The following TESC variants were observed in gnomAD, a reference collection of about 807,000 sequenced individuals.
The protein encoded by TESC is calcineurin B homologous protein 3.
TESC carries 19 observed loss-of-function variants against 31.0 expected under a neutral mutation model. The ratio of observed to expected loss-of-function variants is 0.61; its 90% confidence interval spans 0.43 to 0.90. The LOEUF (loss-of-function observed/expected upper bound fraction) is 0.90, where lower values mean the gene tolerates loss of function less well. Ranked by LOEUF, TESC falls within the 40% of genes least tolerant of loss-of-function variation. TESC has a pLI of 0.00. For synonymous variants in TESC, 109 were observed against 114.8 expected, an observed-to-expected ratio of 0.95 and a Z score of 0.32; for missense variants, 248 against 303.8, an observed-to-expected ratio of 0.82 and a Z score of 1.36.
intron 7 of TESC, 52 bp from the exon 8 acceptor site, chr12:117,039,262 CT>C (rs752050508): frequency 7.1e-6 from 11 of 1,551,060 alleles, no homozygotes; most frequent in Non-Finnish European, 9.7e-6. Flanking sequence ...CACCTCACAC[CT>C]GACCAGGCCC....
chr12:117,047,201 G>A (rs116850479), intron 4 of TESC, among the ~76,000 whole-genome samples: 1,995 of 152,288 alleles, frequency 0.013, 27 homozygotes, highest in South Asian at 0.038. Flanking sequence ...AAACGGTGTC[G>A]AGTTCAAAAT....
At chr12:117,069,138 G>T (rs1346945330) in intron 2 of TESC, among the ~76,000 whole-genome samples, 1 of 151,844 alleles carries the variant, frequency 6.6e-6, no homozygotes. Context: ...TTTGCCGAGA[G>T]GCCACAGAAA....
rs554400635 is a variant in TESC at position 117,040,988 on chromosome 12, G to C, written c.567+959C>G. On this transcript the variant is annotated intron_variant, in intron 7 of 7. Coordinates refer to ENST00000335209, the MANE Select transcript of TESC (RefSeq NM_017899.4). ...TCCTCAAGTACCCCAAAAGCACTTG[G>C]GAACACTGTTGTGATGCCCAGGGCC... Among the ~76,000 whole-genome samples, 5 of 150,648 alleles carry C rather than the reference G, an allele frequency of 3.3e-5. No homozygotes were observed. In the South Asian group the frequency reaches 1.1e-3, roughly 32 times the overall value.
chr12:117,051,578 T>C (rs1004974881), intron 3 of TESC, among the ~76,000 whole-genome samples: 1 of 152,200 alleles, frequency 6.6e-6, no homozygotes, highest in Non-Finnish European at 1.5e-5. Context: ...AGCATAAAAA[T>C]AGCCCCCGGA....
chr12:117,072,954 AT>A (rs1954993342), intron 2 of TESC, among the ~76,000 whole-genome samples: 1 of 152,020 alleles, frequency 6.6e-6, no homozygotes, highest in Admixed American at 6.6e-5. Flanking sequence ...ATTTTTAAAT[AT>A]TTTGTAGAGA....
At chr12:117,086,777 T>C (rs1955224819) in intron 1 of TESC, among the ~76,000 whole-genome samples, 1 of 152,192 alleles carries the variant, frequency 6.6e-6, no homozygotes, top group Non-Finnish European at 1.5e-5. Context: ...TTTGCATCAA[T>C]TTTTAAAGAG....
chr12:117,077,457 C>G (rs1324738600), intron 1 of TESC, among the ~76,000 whole-genome samples: 4 of 152,240 alleles, frequency 2.6e-5, no homozygotes, highest in African/African-American at 4.8e-5. Context: ...TCTGTTCACC[C>G]AAGCATGCGT....
At position 117,056,836 on chromosome 12, in the gene TESC, G is replaced by A. The variant is rs759291720; in HGVS notation, c.179C>T (p.Ser60Phe). Residue 60 changes from serine to phenylalanine, a missense_variant, in exon 3 of 8, where the codon TCC (serine) becomes TTC (phenylalanine). Coordinates refer to ENST00000335209, the MANE Select transcript of TESC (RefSeq NM_017899.4). ...GTCGAAGAAGGCACGAACAATTTTG[G>A]ATCGGATGGGGTTGAGCTCCAGGTC... ...VPDLELNPIR[S>F]KIVRAFFDNR... 1 of 1,614,154 alleles carries A rather than the reference G, an allele frequency of 6.2e-7. No homozygotes were observed.
chr12:117,044,157 C>A (rs1954523539), intron 6 of TESC, among the ~76,000 whole-genome samples: 1 of 152,056 alleles, frequency 6.6e-6, no homozygotes, highest in African/African-American at 2.4e-5. Flanking sequence ...CCAGCTGCTC[C>A]AGAGGCTGAG....
rs140800649 is a variant in TESC, at chr12:117,046,755, G to A, written c.411+22C>T. The stretch of plus-strand genomic sequence containing the variant: ...GGGGAAGGCACCAGGAGCCCCGGGC[G>A]GGCCAGAGGAGCATACTTTACATTT... On this transcript the variant is annotated intron_variant, in intron 5 of 7. Transcript: ENST00000335209. 1.5e-5 allele frequency: 24 copies of A among 1,557,858 alleles called. No individual in the cohort carries two copies. The Admixed American group carries it at 2.3e-4, about 15-fold the overall frequency.
intron 3 of TESC, among the ~76,000 whole-genome samples, chr12:117,051,384 G>A (rs541899928): frequency 1.0e-3 from 155 of 152,222 alleles, no homozygotes; most frequent in South Asian, 4.6e-3. Flanking sequence ...TAGGGAAGGC[G>A]GATCAAGAAA....
chr12:117,045,459 C>T (rs996122454), intron 6 of TESC, among the ~76,000 whole-genome samples: 2 of 152,264 alleles, frequency 1.3e-5, no homozygotes, highest in African/African-American at 4.8e-5. Flanking sequence ...CCCGACAACC[C>T]GGCGGGGGAT....
Position 117,089,915 on chromosome 12 carries a change from A to C in TESC, c.58+9310T>G, listed in dbSNP as rs1038300331. On this transcript the variant is annotated intron_variant, in intron 1 of 7. Coordinates refer to ENST00000335209, the MANE Select transcript of TESC (RefSeq NM_017899.4). ...TAAATAAAAATAAATCCACACCCAG[A>C]CATAGCATGTACAAAACACCAATGA... is the stretch of plus-strand genomic sequence containing the variant. Among the ~76,000 whole-genome samples, 5 of 152,334 alleles carry C rather than the reference A, an allele frequency of 3.3e-5. No homozygotes were observed. In the East Asian group the frequency reaches 5.8e-4, roughly 18 times the overall value.
chr12:117,061,021 T>C (rs1469357262), intron 2 of TESC, among the ~76,000 whole-genome samples: 7 of 152,162 alleles, frequency 4.6e-5, no homozygotes, highest in African/African-American at 7.2e-5. Context: ...GGAATCACAC[T>C]TGGGCTCTAC....
chr12:117,099,246 C>T lies in TESC; in HGVS notation c.37G>A (p.Glu13Lys). Reference sequence around the variant, plus strand: ...TCACAGCCGGTCTTGCCCTCGAGCTCCCGCACCTCCTCAGACGCGGAGTGG... The same window carrying T: ...TCACAGCCGGTCTTGCCCTCGAGCTTCCGCACCTCCTCAGACGCGGAGTGG... ...AAHSASEEVR[E>K]LEGKTGFSSD... The change falls in exon 1 of 8, where the codon GAG becomes AAG. Residue 13 changes from glutamate (E) to lysine (K), a missense_variant. By Grantham distance (56) the Glu-to-Lys change is moderately conservative. Transcript: ENST00000335209. The T allele has an allele frequency of 1.4e-6, 2 of 1,476,550 alleles. No homozygotes were observed. Among genetic ancestry groups the T allele is most frequent in the Non-Finnish European group, 1.8e-6 (2 of 1,121,758 alleles). The allele number at this position is 1,476,550 out of a possible 1,614,324, so 91.5% of individuals were successfully genotyped here.
At chr12:117,075,895 ATATATATATATATATATATGTG>A (rs1955058063) in intron 1 of TESC, among the ~76,000 whole-genome samples, 1 of 83,048 alleles carries the variant, frequency 1.2e-5, no homozygotes, top group Non-Finnish European at 2.1e-5. Flanking sequence ...ATATATATAT[ATATATATATATATATATATGTG>A]TGTGTGTATA....
At chr12:117,040,708 G>A (rs1954469257) in intron 7 of TESC, among the ~76,000 whole-genome samples, 1 of 152,128 alleles carries the variant, frequency 6.6e-6, no homozygotes, top group Non-Finnish European at 1.5e-5. Flanking sequence ...CCATCTGCAC[G>A]GCAGTCCACG....
intron 2 of TESC, among the ~76,000 whole-genome samples, chr12:117,071,449 G>A (rs1954972365): frequency 2.6e-5 from 4 of 152,202 alleles, no homozygotes; most frequent in South Asian, 4.1e-4. Flanking sequence ...GCCTTCACGG[G>A]GCAGGAGACG....
rs866892363 is a variant in TESC at position 117,075,141 on chromosome 12, A to T, written c.128+130T>A. The T allele has an allele frequency of 1.4e-5, 13 of 952,738 alleles. No homozygotes were observed. The South Asian group carries it at 2.2e-4, about 16-fold the overall frequency. 59.0% of individuals were successfully genotyped at this position (952,738 alleles called of 1,614,324 possible). On this transcript the variant is annotated intron_variant, in intron 2 of 7. Coordinates refer to ENST00000335209, the MANE Select transcript of TESC (RefSeq NM_017899.4). ...AGCCTGGGCGACGGAGCGAGACTCC[A>T]TCTCCAAAATAAATAAAAAATAAAA...
Sources: gnomAD v4.1 joint callset for allele counts (sites outside exome capture counted in the v4.1 genomes callset) on GRCh38, gnomAD v4.1.1 for gene constraint, MANE v1.5 for transcripts, NCBI Gene and HGNC (gene_info 2026-07-23, HGNC 2026-07-21) for gene names.